Variants in C2CD2 observed in about 807,000 individuals in gnomAD.
C2CD2 encodes C2 domain-containing protein 2.
A neutral mutation model predicts 74.3 loss-of-function variants in C2CD2; 43 were observed. The observed-to-expected ratio is 0.58, with a 90% CI of 0.45 to 0.75. C2CD2 has a LOEUF of 0.75. C2CD2 is among the 30% of genes least tolerant of loss of function. C2CD2 has a pLI of 0.00. For synonymous variants in C2CD2, 422 were observed against 390.7 expected, an observed-to-expected ratio of 1.08 and a Z score of -0.94; for missense variants, 801 against 916.3, an observed-to-expected ratio of 0.87 and a Z score of 1.63.
intron 2 of C2CD2, 34 bp from the exon 3 acceptor site, chr21:41,922,119 T>C: frequency 7.6e-7 from 1 of 1,318,898 alleles, no homozygotes; most frequent in Non-Finnish European, 1.1e-6. Context: ...GAAAACTGTA[T>C]CCAAAACAAA....
At chr21:41,909,357 G>C (rs2065000139) in intron 8 of C2CD2, 102 bp downstream of exon 8, 1 of 774,276 alleles carries the variant, frequency 1.3e-6, no homozygotes, top group Non-Finnish European at 2.3e-6. Flanking sequence ...GGAGGGGTCA[G>C]CTTCCTCTGC....
At chr21:41,902,041 A>T (rs2064905655) in intron 11 of C2CD2, among the ~76,000 whole-genome samples, 1 of 152,204 alleles carries the variant, frequency 6.6e-6, no homozygotes, top group Admixed American at 6.5e-5. Context: ...TATGGGCCAT[A>T]GTTTGCTGTT....
At chr21:41,898,701 C>T (rs139366937) in intron 13 of C2CD2, among the ~76,000 whole-genome samples, 56 of 152,346 alleles carry the variant, frequency 3.7e-4, no homozygotes, top group African/African-American at 1.3e-3. Flanking sequence ...GAGCCCCAGG[C>T]TCTGCCTGGC....
intron 10 of C2CD2, among the ~76,000 whole-genome samples, chr21:41,906,354 G>GTGTTT (rs1022042858): frequency 1.3e-5 from 2 of 152,104 alleles, no homozygotes; most frequent in East Asian, 1.9e-4. Flanking sequence ...AATAGAGTTC[G>GTGTTT]TGTTTTGTTT....
In C2CD2 at chr21:41,943,567, A is replaced by G. The variant is rs141413007; in HGVS notation, c.280-1322T>C. Among the ~76,000 whole-genome samples the G allele has an allele frequency of 5.7e-4, 87 of 152,228 alleles. 1 individual carries two copies. Among genetic ancestry groups the G allele is most frequent in the African/African-American group, 2.1e-3 (87 of 41,538 alleles). Reference sequence around the variant, plus strand: ...GTGGTTAAAAAACACACAGCCCCACAAGCTCCCATCGTATCTCATCTCCAC... The same window carrying G: ...GTGGTTAAAAAACACACAGCCCCACGAGCTCCCATCGTATCTCATCTCCAC... On this transcript the variant is annotated intron_variant, in intron 1 of 13. Coordinates refer to ENST00000380486, the MANE Select transcript of C2CD2 (RefSeq NM_015500.2).
Position 41,922,705 on chromosome 21 carries a change from C to T in C2CD2, c.379-620G>A, listed in dbSNP as rs541569033. ...GGCCAGGCCAGTCTCGAACTCCTGG[C>T]CTCAGCTGATCTACCCACCTCAGCC... is the stretch of plus-strand genomic sequence containing the variant. On this transcript the variant is annotated intron_variant, in intron 2 of 13. Transcript: ENST00000380486. 2.1e-4 allele frequency among the ~76,000 whole-genome samples: 31 copies of T among 149,508 alleles called. No homozygotes were observed. The East Asian group carries it at 6.1e-3, about 29-fold the overall frequency.
rs2065166552 is a variant in C2CD2 at position 41,922,512 on chromosome 21, T to C, written c.379-427A>G. On this transcript the variant is annotated intron_variant, in intron 2 of 13. Coordinates refer to ENST00000380486, the MANE Select transcript of C2CD2 (RefSeq NM_015500.2). ...TTTTTTGAGACGGAGTCTCACTCTG[T>C]CACCCAGGCTGAAGTGCAGTGGAGC... 2.0e-5 allele frequency among the ~76,000 whole-genome samples: 3 copies of C among 147,956 alleles called. No homozygotes were observed. In the South Asian group the frequency reaches 6.4e-4, roughly 32 times the overall value.
rs139647721 is a variant in C2CD2 at position 41,935,180 on chromosome 21, G to A, written c.378+6967C>T. Among the ~76,000 whole-genome samples the A allele has an allele frequency of 3.2e-3, 493 of 152,252 alleles. 1 individual carries two copies. Among genetic ancestry groups the A allele is most frequent in the African/African-American group, 0.011 (468 of 41,568 alleles). On this transcript the variant is annotated intron_variant, in intron 2 of 13. Transcript: ENST00000380486. Reference sequence around the variant, plus strand: ...GCTGGGATTACAGGTATGAGCCACCGCGCTGGCCAGCCTTGACTCTTATGT... The same window carrying A: ...GCTGGGATTACAGGTATGAGCCACCACGCTGGCCAGCCTTGACTCTTATGT...
intron 2 of C2CD2, among the ~76,000 whole-genome samples, chr21:41,928,701 A>G (rs887031801): frequency 1.3e-5 from 2 of 151,644 alleles, no homozygotes; most frequent in African/African-American, 4.8e-5. Context: ...CCCACCCCCC[A>G]ATCCCGCAGC....
intron 7 of C2CD2, among the ~76,000 whole-genome samples, chr21:41,911,874 A>C (rs577158025): frequency 5.3e-5 from 8 of 152,078 alleles, no homozygotes; most frequent in African/African-American, 1.9e-4. Context: ...AAATTTTTTA[A>C]AACTTTTAGT....
rs1231796024 is a variant in C2CD2 at position 41,923,902 on chromosome 21, G to A, written c.379-1817C>T. Among the ~76,000 whole-genome samples the A allele has an allele frequency of 6.6e-6, 1 of 152,144 alleles. No individual in the cohort carries two copies. The highest frequency in any genetic ancestry group is 1.5e-5 in the Non-Finnish European group (1 of 68,018). On this transcript the variant is annotated intron_variant, in intron 2 of 13. Coordinates refer to ENST00000380486, the MANE Select transcript of C2CD2 (RefSeq NM_015500.2). The surrounding 1 kb of genome is among the most constrained non-coding windows in gnomAD (Gnocchi z 5.8). Reference sequence around the variant, plus strand: ...GGTGCCAGGTGTGTACTGGCCAGGAGGAGGAGAGGGGAGGCCAGGGGCACA... The same window carrying A: ...GGTGCCAGGTGTGTACTGGCCAGGAAGAGGAGAGGGGAGGCCAGGGGCACA...
chr21:41,911,388 CTTTTTTTTTT>C (rs58934224), intron 7 of C2CD2, among the ~76,000 whole-genome samples: 1 of 116,756 alleles, frequency 8.6e-6, no homozygotes, highest in African/African-American at 3.2e-5. Context: ...TATCTCGATT[CTTTTTTTTTT>C]TTTTTTTTTG....
intron 13 of C2CD2, among the ~76,000 whole-genome samples, chr21:41,896,707 C>CG (rs2064826491): frequency 1.4e-5 from 1 of 73,704 alleles, no homozygotes; most frequent in Non-Finnish European, 2.5e-5. Context: ...GTTCTTAAAC[C>CG]AAAAAAAAAA....
chr21:41,918,982 G>A (rs764345544), intron 3 of C2CD2, 22 bp from the exon 4 acceptor site: 1 of 1,554,646 alleles, frequency 6.4e-7, no homozygotes, highest in African/African-American at 1.4e-5. Flanking sequence ...CAAGTTATTA[G>A]AGGGCCACTC....
intron 12 of C2CD2, 60 bp downstream of exon 12, chr21:41,901,562 G>C: frequency 1.3e-6 from 2 of 1,583,300 alleles, no homozygotes; most frequent in Non-Finnish European, 1.7e-6. Context: ...AAAGGGCAGA[G>C]GAGCAGCAGG....
At chr21:41,948,520 C>T (rs1482054810) in intron 1 of C2CD2, among the ~76,000 whole-genome samples, 7 of 152,148 alleles carry the variant, frequency 4.6e-5, no homozygotes, top group Admixed American at 2.6e-4. Context: ...AGGAATGACC[C>T]GTGGGAAGGC....
chr21:41,917,311 C>G (rs1164619550), intron 5 of C2CD2, among the ~76,000 whole-genome samples: 1 of 152,224 alleles, frequency 6.6e-6, no homozygotes, highest in East Asian at 1.9e-4. Context: ...TATTTTCAAA[C>G]TGACTTCACC....
chr21:41,901,701 C>T lies in C2CD2; in HGVS notation c.1481G>A (p.Arg494Gln), dbSNP rs764846275. ...GSDPVAEVAI[R>Q]QLSESSKLKL... The stretch of plus-strand genomic sequence containing the variant: ...CAGCTTTGAAGATTCACTGAGCTGT[C>T]GAATGGCCACTTCAGCCACTGGATC... Residue 494 changes from arginine to glutamine, a missense_variant, in exon 12 of 14, where the codon CGA becomes CAA. Coordinates refer to ENST00000380486, the MANE Select transcript of C2CD2 (RefSeq NM_015500.2). 20 of 1,613,684 alleles carry T rather than the reference C, an allele frequency of 1.2e-5. No individual in the cohort carries two copies. Among genetic ancestry groups the T allele is most frequent in the South Asian group, 7.7e-5 (7 of 91,086 alleles).
chr21:41,941,917 G>C (rs559762702), intron 2 of C2CD2, among the ~76,000 whole-genome samples: 1 of 152,166 alleles, frequency 6.6e-6, no homozygotes, highest in Non-Finnish European at 1.5e-5. Context: ...GGGTTCATCC[G>C]CACCGGAGCG....
Sources: gnomAD v4.1 joint callset for allele counts (sites outside exome capture counted in the v4.1 genomes callset) on GRCh38, gnomAD v4.1.1 for gene constraint, Gnocchi (gnomAD v3.1) non-coding constraint, MANE v1.5 for transcripts, NCBI Gene and HGNC (gene_info 2026-07-23, HGNC 2026-07-21) for gene names.